The following CCDC73 variants were observed in gnomAD, a reference collection of about 807,000 sequenced individuals.
The protein encoded by CCDC73 is coiled-coil domain-containing protein 73.
CCDC73 carries 95 observed loss-of-function variants against 116.5 expected under a neutral mutation model. That is an observed-to-expected ratio of 0.82 (90% CI 0.69 to 0.97). The LOEUF (loss-of-function observed/expected upper bound fraction) is 0.97, where lower values mean the gene tolerates loss of function less well. Among genes scored for constraint, CCDC73 ranks in the 50% least tolerant of loss-of-function variants. CCDC73 has a pLI of 0.00. For synonymous variants in CCDC73, 398 were observed against 401.3 expected (o/e 0.99, Z 0.10); for missense variants, 1,066 against 1,206.8 (o/e 0.88, Z 1.73).
intron 6 of CCDC73, among the ~76,000 whole-genome samples, chr11:32,698,907 A>C (rs1417095745): frequency 2.0e-5 from 3 of 152,206 alleles, no homozygotes; most frequent in African/African-American, 7.2e-5. Context: ...CTTAGCACAT[A>C]GCAAAAATTC....
chr11:32,784,985 C>A (rs1218359144), intron 1 of CCDC73, among the ~76,000 whole-genome samples: 1 of 152,092 alleles, frequency 6.6e-6, no homozygotes, highest in Non-Finnish European at 1.5e-5. Flanking sequence ...ACCAGCCTGG[C>A]CAACACGGTG....
chr11:32,626,637 C>G (rs893963634), intron 14 of CCDC73, among the ~76,000 whole-genome samples: 2 of 152,072 alleles, frequency 1.3e-5, no homozygotes, highest in South Asian at 4.1e-4. Context: ...AGATATAGAC[C>G]AATGGAACAG....
intron 1 of CCDC73, among the ~76,000 whole-genome samples, chr11:32,776,145 T>C (rs1302726907): frequency 6.6e-6 from 1 of 152,122 alleles, no homozygotes; most frequent in African/African-American, 2.4e-5. Flanking sequence ...ACCGGTTTGT[T>C]CTTCCTTCTA....
At chr11:32,740,597 A>G (rs1161682231) in intron 2 of CCDC73, among the ~76,000 whole-genome samples, 2 of 151,584 alleles carry the variant, frequency 1.3e-5, no homozygotes, top group Non-Finnish European at 2.9e-5. Context: ...CTTAGTCTGG[A>G]TAACAGTTTG....
At chr11:32,753,463 A>G (rs1850305437) in intron 2 of CCDC73, among the ~76,000 whole-genome samples, 1 of 150,470 alleles carries the variant, frequency 6.6e-6, no homozygotes, top group Admixed American at 6.6e-5. Context: ...CCCAGCTAAA[A>G]TTTTGTTTTC....
intron 13 of CCDC73, among the ~76,000 whole-genome samples, chr11:32,641,394 C>T (rs1458321167): frequency 3.3e-5 from 5 of 151,922 alleles, no homozygotes; most frequent in African/African-American, 1.2e-4. Context: ...TATTATCTAC[C>T]TTGCTGAATT....
chr11:32,739,795 A>G (rs1380250101), intron 2 of CCDC73, among the ~76,000 whole-genome samples: 1 of 150,834 alleles, frequency 6.6e-6, no homozygotes, highest in Non-Finnish European at 1.5e-5. Context: ...GTTTCTTCCC[A>G]TTCAGTATAA....
intron 6 of CCDC73, among the ~76,000 whole-genome samples, chr11:32,694,928 C>T (rs1047670349): frequency 3.3e-5 from 5 of 152,136 alleles, no homozygotes; most frequent in Non-Finnish European, 7.3e-5. Context: ...GCTAGAGAAC[C>T]GTGAAAGGGG....
intron 1 of CCDC73, among the ~76,000 whole-genome samples, chr11:32,791,401 C>A (rs962624300): frequency 5.3e-4 from 80 of 152,342 alleles, no homozygotes; most frequent in African/African-American, 1.8e-3. Flanking sequence ...TCTGGGAAAT[C>A]CCATACACTA....
intron 14 of CCDC73, among the ~76,000 whole-genome samples, chr11:32,628,945 G>C (rs911754087): frequency 2.0e-5 from 3 of 151,934 alleles, no homozygotes; most frequent in Non-Finnish European, 4.4e-5. Context: ...ACATAATGAA[G>C]AGAAAAATTT....
chr11:32,739,799 A>G (rs1031979003), intron 2 of CCDC73, among the ~76,000 whole-genome samples: 26 of 150,958 alleles, frequency 1.7e-4, no homozygotes, highest in African/African-American at 6.4e-4. Context: ...CTTCCCATTC[A>G]GTATAATACT....
At chr11:32,766,785 G>C (rs1850446556) in intron 1 of CCDC73, among the ~76,000 whole-genome samples, 1 of 152,090 alleles carries the variant, frequency 6.6e-6, no homozygotes, top group Admixed American at 6.5e-5. Flanking sequence ...ACCTCTTCAA[G>C]GAGAACTACA....
rs1026734661 is a variant in CCDC73 at position 32,617,645 on chromosome 11, A to G, written c.1186-1516T>C. 2.0e-5 allele frequency among the ~76,000 whole-genome samples: 3 copies of G among 152,196 alleles called. No homozygotes were observed. In the East Asian group the frequency reaches 5.8e-4, roughly 29 times the overall value. On this transcript the variant is annotated intron_variant, in intron 14 of 17. Transcript: ENST00000335185. The stretch of plus-strand genomic sequence containing the variant: ...AACTAAAGTTAATTGGACTTGGTCA[A>G]TGATTGGATGTGAAGGCTGAGGGAG...
At chr11:32,683,413 A>G in intron 7 of CCDC73, 123 bp downstream of exon 7, 1 of 691,826 alleles carries the variant, frequency 1.4e-6, no homozygotes, top group Non-Finnish European at 2.7e-6. Context: ...ATTACTGGAG[A>G]CAGTAATATT....
rs528429193 is a variant in CCDC73, at chr11:32,745,037, C to T, written c.135+15072G>A. On this transcript the variant is annotated intron_variant, in intron 2 of 17. Transcript: ENST00000335185. Reference sequence around the variant, plus strand: ...GATCTTTCCTGCTTTCTCTTGTGGGCATTTAGTGATATAAATTTCCCTCTA... The same window carrying T: ...GATCTTTCCTGCTTTCTCTTGTGGGTATTTAGTGATATAAATTTCCCTCTA... 1.2e-4 allele frequency among the ~76,000 whole-genome samples: 18 copies of T among 152,280 alleles called. No homozygotes were observed. In the East Asian group the frequency reaches 2.9e-3, roughly 24 times the overall value.
chr11:32,818,987 C>T, the CCDC73 span, among the ~76,000 whole-genome samples: 3 of 152,202 alleles, frequency 2.0e-5, no homozygotes, highest in Admixed American at 6.5e-5. Flanking sequence ...AATTAGATAG[C>T]GGTGTTGGTT....
chr11:32,830,411 G>T, the CCDC73 span: 1 of 1,055,310 alleles, frequency 9.5e-7, no homozygotes, highest in Non-Finnish European at 1.3e-6. Flanking sequence ...TTGCGCCTAG[G>T]CTTTGAGTAC....
intron 2 of CCDC73, among the ~76,000 whole-genome samples, chr11:32,725,291 A>C (rs928366321): frequency 6.6e-6 from 1 of 152,122 alleles, no homozygotes; most frequent in Non-Finnish European, 1.5e-5. Flanking sequence ...TATTGCTATA[A>C]TTGTTCTATT....
At chr11:32,669,343 A>G (rs925594602) in intron 9 of CCDC73, among the ~76,000 whole-genome samples, 6 of 152,126 alleles carry the variant, frequency 3.9e-5, no homozygotes, top group African/African-American at 1.2e-4. Context: ...TTTTATGGGT[A>G]CATAGGTGTA....
Sources: allele counts gnomAD v4.1 joint callset (sites outside exome capture counted in the v4.1 genomes callset), GRCh38; gene constraint gnomAD v4.1.1; transcripts MANE v1.5; gene names NCBI Gene and HGNC (gene_info 2026-07-23, HGNC 2026-07-21).